The following CEPT1 variants were observed in gnomAD, a reference collection of about 807,000 sequenced individuals.
The protein encoded by CEPT1 is choline/ethanolamine phosphotransferase 1.
In CEPT1, 7 loss-of-function variants were observed where a neutral mutation model predicts 42.6. The observed-to-expected ratio is 0.16, with a 90% CI of 0.09 to 0.31. The LOEUF (loss-of-function observed/expected upper bound fraction) is 0.31, where lower values mean the gene tolerates loss of function less well. Ranked by LOEUF, CEPT1 falls within the 10% of genes least tolerant of loss-of-function variation. CEPT1 has a pLI of 1.00. For synonymous variants in CEPT1, 171 were observed against 171.9 expected (o/e 0.99, Z 0.04); for missense variants, 306 against 502.1 (o/e 0.61, Z 3.73).
intron 4 of CEPT1, 119 bp downstream of exon 4, chr1:111,161,415 A>G: frequency 5.3e-6 from 5 of 951,454 alleles, no homozygotes; most frequent in Non-Finnish European, 7.7e-6. Context: ...AAATTAAAAA[A>G]TTTATGCTTC....
intron 2 of CEPT1, among the ~76,000 whole-genome samples, chr1:111,153,542 G>A (rs1015114792): frequency 6.6e-6 from 1 of 152,114 alleles, no homozygotes; most frequent in Non-Finnish European, 1.5e-5. Flanking sequence ...AAATCTTTGC[G>A]TAGACCAATG....
At position 111,163,060 on chromosome 1, in the gene CEPT1, A is replaced by G. The variant is rs1655951620; in HGVS notation, c.629+1764A>G. ...TTTATAGAACAATAGCTAAAGATAT[A>G]GGAACAAAGGAGTTCTAGGGTAAAA... On this transcript the variant is annotated intron_variant, in intron 4 of 8. Transcript: ENST00000357172. Among the ~76,000 whole-genome samples the G allele has an allele frequency of 2.0e-5, 3 of 152,292 alleles. No individual in the cohort carries two copies. The South Asian group carries it at 6.2e-4, about 32-fold the overall frequency.
chr1:111,176,216 T>A (rs1220678221), intron 5 of CEPT1, among the ~76,000 whole-genome samples: 1 of 152,212 alleles, frequency 6.6e-6, no homozygotes, highest in East Asian at 1.9e-4. Context: ...GTATCTTAGA[T>A]TTCACTATAG....
At chr1:111,145,560 A>G (rs1480300645) in intron 1 of CEPT1, among the ~76,000 whole-genome samples, 1 of 152,214 alleles carries the variant, frequency 6.6e-6, no homozygotes, top group Non-Finnish European at 1.5e-5. Flanking sequence ...ACATGTCCAT[A>G]CCAGGCTGTG....
chr1:111,141,951 A>G (rs1219433049), intron 1 of CEPT1, among the ~76,000 whole-genome samples: 2 of 152,160 alleles, frequency 1.3e-5, no homozygotes, highest in African/African-American at 4.8e-5. Flanking sequence ...GTGCAGATCA[A>G]AACTTGGCAC....
intron 4 of CEPT1, among the ~76,000 whole-genome samples, chr1:111,162,396 A>C (rs1655921978): frequency 6.6e-6 from 1 of 152,196 alleles, no homozygotes; most frequent in Non-Finnish European, 1.5e-5. Flanking sequence ...TATAGGACAC[A>C]ATGTGTGTTT....
intron 3 of CEPT1, 161 bp downstream of exon 3, chr1:111,159,688 G>T: frequency 4.0e-6 from 2 of 497,284 alleles, no homozygotes; most frequent in South Asian, 3.6e-5. Context: ...GTTCATTATT[G>T]GTAGTGTTAG....
At chr1:111,177,141 A>G (rs149649063) in intron 5 of CEPT1, among the ~76,000 whole-genome samples, 1 of 152,364 alleles carries the variant, frequency 6.6e-6, no homozygotes, top group African/African-American at 2.4e-5. Flanking sequence ...GCAGTAATGC[A>G]CTTAGTTCTT....
chr1:111,158,331 G>A (rs1655681354), intron 2 of CEPT1, among the ~76,000 whole-genome samples: 1 of 152,068 alleles, frequency 6.6e-6, no homozygotes, highest in Non-Finnish European at 1.5e-5. Context: ...CCCAGCCTGG[G>A]TGACAGAGCA....
Position 111,184,379 on chromosome 1 carries a change from G to A in CEPT1, c.*69G>A, listed in dbSNP as rs1657153910. Reference sequence around the variant, plus strand: ...GAAAGTAACATATTAAGGAGAATGGGGGTGGATAAGAACAAATATAATTTA... The same window carrying A: ...GAAAGTAACATATTAAGGAGAATGGAGGTGGATAAGAACAAATATAATTTA... On this transcript the variant is annotated 3_prime_UTR_variant, in exon 9 of 9. Transcript: ENST00000357172. 1 of 1,226,590 alleles carries A rather than the reference G, an allele frequency of 8.2e-7. No individual in the cohort carries two copies. The highest frequency in any genetic ancestry group is 1.2e-6 in the Non-Finnish European group (1 of 864,206). 76.0% of individuals were successfully genotyped at this position (1,226,590 alleles called of 1,614,324 possible). A position where few individuals can be genotyped will look rare whatever the true frequency, so the allele number is the denominator to read the frequency against.
rs533901597 is a variant in CEPT1, at chr1:111,161,120, A to G, written c.488-35A>G. 8.1e-6 allele frequency: 13 copies of G among 1,612,352 alleles called. No homozygotes were observed. The Admixed American group carries it at 2.0e-4, about 25-fold the overall frequency. ...TCCAGCTCAGTTGTTTGCTATTCATATTATTTGGTTTTCATCGTGATCTTT... is the reference window on the plus strand; with the variant it reads ...TCCAGCTCAGTTGTTTGCTATTCATGTTATTTGGTTTTCATCGTGATCTTT... On this transcript the variant is annotated intron_variant, in intron 3 of 8. Transcript: ENST00000357172.
At chr1:111,167,333 CAT>C (rs1656190162) in intron 4 of CEPT1, 1 of 962,256 alleles carries the variant, frequency 1.0e-6, no homozygotes, top group Non-Finnish European at 1.2e-6. Context: ...TATTAGAAAA[CAT>C]AATTTTAATA....
chr1:111,142,493 G>T (rs1355426256), intron 1 of CEPT1, among the ~76,000 whole-genome samples: 1 of 152,060 alleles, frequency 6.6e-6, no homozygotes, highest in African/African-American at 2.4e-5. Context: ...TGTTCAGTAA[G>T]TACTGATTAC....
Position 111,182,871 on chromosome 1 carries a change from TCTGCAGTTCAG to T in CEPT1, c.922_932del (p.Ala308PhefsTer2). 6.2e-7 allele frequency: 1 copy of T among 1,613,580 alleles called. No homozygotes were observed. The highest frequency in any genetic ancestry group is 8.5e-7 in the Non-Finnish European group (1 of 1,179,500). ...ATTAGCTGCAATGATCTACAAGAAA[TCTGCAGTTCAG>T]CTTTTTGAAAAGCATCCCTGTCTTT... On this transcript the variant is annotated frameshift_variant, in exon 7 of 9. Transcript: ENST00000357172. LOFTEE classifies it high-confidence loss of function.
intron 1 of CEPT1, chr1:111,143,432 T>C (rs817582): frequency 0.2 from 31,167 of 152,118 alleles, 3,701 homozygotes; most frequent in South Asian, 0.37. Flanking sequence ...AGTGTGTAAT[T>C]TTTTTATTTG....
intron 4 of CEPT1, among the ~76,000 whole-genome samples, chr1:111,173,577 T>C (rs961410534): frequency 3.9e-5 from 6 of 152,182 alleles, no homozygotes; most frequent in Admixed American, 1.3e-4. Context: ...CTAATTACTT[T>C]TAATAGATAA....
intron 4 of CEPT1, among the ~76,000 whole-genome samples, chr1:111,171,259 G>A (rs1023511038): frequency 6.6e-6 from 1 of 152,158 alleles, no homozygotes; most frequent in Non-Finnish European, 1.5e-5. Context: ...CTTTGCAGTT[G>A]TTCTACCCCA....
intron 1 of CEPT1, chr1:111,143,607 T>C (rs1342447654): frequency 2.6e-5 from 4 of 152,328 alleles, no homozygotes; most frequent in Non-Finnish European, 2.9e-5. Context: ...GCAATAATTT[T>C]AATTTCTTAC....
At chr1:111,167,569 A>C in intron 4 of CEPT1, 1 of 959,288 alleles carries the variant, frequency 1.0e-6, no homozygotes, top group Non-Finnish European at 1.2e-6. Flanking sequence ...TTAGGTAAGG[A>C]AGTTGAGATG....
Sources: allele counts gnomAD v4.1 joint callset (sites outside exome capture counted in the v4.1 genomes callset), GRCh38; gene constraint gnomAD v4.1.1; transcripts MANE v1.5; gene names NCBI Gene and HGNC (gene_info 2026-07-23, HGNC 2026-07-21).